The following GLIS3 variants were observed in gnomAD, a reference collection of about 807,000 sequenced individuals.
The protein encoded by GLIS3 is zinc finger protein GLIS3.
GLIS3 carries 53 observed loss-of-function variants against 78.6 expected under a neutral mutation model. That is an observed-to-expected ratio of 0.67 (90% CI 0.54 to 0.85). The LOEUF is 0.85. GLIS3 is among the 40% of genes least tolerant of loss of function. The probability of loss-of-function intolerance (pLI) is 0.00; values close to 1 mark genes in which losing one functional copy is unlikely to be tolerated. For missense variants in GLIS3, 1,703 were observed against 1,231.1 expected (o/e 1.38, Z -5.74); for synonymous variants, 684 against 509.9 (o/e 1.34, Z -4.60).
At chr9:4,263,270 T>A (rs1214791403) in intron 2 of GLIS3, among the ~76,000 whole-genome samples, 2 of 152,204 alleles carry the variant, frequency 1.3e-5, no homozygotes, top group Non-Finnish European at 2.9e-5. Context: ...GATTCTGTGT[T>A]GATGGGTGAG....
intron 8 of GLIS3, among the ~76,000 whole-genome samples, chr9:3,877,144 T>G (rs1821370903): frequency 6.6e-6 from 1 of 152,166 alleles, no homozygotes; most frequent in Non-Finnish European, 1.5e-5. Context: ...TTCACGACAT[T>G]GTGGATGGAG....
intron 4 of GLIS3, among the ~76,000 whole-genome samples, chr9:3,945,284 T>C (rs761816493): frequency 3.3e-5 from 5 of 152,244 alleles, no homozygotes; most frequent in Non-Finnish European, 5.9e-5. Flanking sequence ...ATAATACTTC[T>C]ATGAAATATA....
the GLIS3 span, among the ~76,000 whole-genome samples, chr9:4,462,679 G>C: frequency 1.3e-5 from 2 of 151,568 alleles, no homozygotes; most frequent in African/African-American, 4.9e-5. Flanking sequence ...TGGGTGTGTT[G>C]TATGTCTGTA....
chr9:4,420,818 A>G, the GLIS3 span, among the ~76,000 whole-genome samples: 10 of 152,344 alleles, frequency 6.6e-5, no homozygotes, highest in South Asian at 2.1e-4. Flanking sequence ...TGCAATTACA[A>G]TAAAACTAGT....
At chr9:4,249,984 G>T (rs998200957) in intron 2 of GLIS3, among the ~76,000 whole-genome samples, 2 of 152,152 alleles carry the variant, frequency 1.3e-5, no homozygotes, top group African/African-American at 4.8e-5. Flanking sequence ...TGACCGTGGT[G>T]GATAAGCTTT....
chr9:4,307,056 A>T (rs952343500), intron 4 of GLIS3, among the ~76,000 whole-genome samples: 1 of 152,242 alleles, frequency 6.6e-6, no homozygotes, highest in African/African-American at 2.4e-5. Context: ...TTTAAGACAC[A>T]GTTTAGTTAT....
chr9:3,857,954 T>A (rs901234851), intron 8 of GLIS3, among the ~76,000 whole-genome samples: 1 of 152,172 alleles, frequency 6.6e-6, no homozygotes, highest in Non-Finnish European at 1.5e-5. Context: ...TCATAGACTT[T>A]AGGGGCAGAA....
intron 6 of GLIS3, among the ~76,000 whole-genome samples, chr9:3,913,097 C>T (rs1824258110): frequency 6.6e-6 from 1 of 152,284 alleles, no homozygotes; most frequent in East Asian, 1.9e-4. Context: ...GAATTGGTTT[C>T]TCGCTACAGC....
chr9:4,384,469 ATTGT>A, the GLIS3 span, among the ~76,000 whole-genome samples: 33 of 151,800 alleles, frequency 2.2e-4, no homozygotes, highest in African/African-American at 7.2e-4. Flanking sequence ...TGGCATTGAA[ATTGT>A]TTCTTTTTCT....
the GLIS3 span, among the ~76,000 whole-genome samples, chr9:4,488,522 C>G: frequency 8.1e-6 from 1 of 122,888 alleles, no homozygotes; most frequent in East Asian, 2.2e-4. Flanking sequence ...CACGCTCTCT[C>G]TCTTTTTTTT....
intron 9 of GLIS3, among the ~76,000 whole-genome samples, chr9:3,839,017 G>C (rs1053866867): frequency 7.2e-5 from 11 of 152,312 alleles, no homozygotes; most frequent in African/African-American, 2.6e-4. Context: ...TTTGAAATCA[G>C]AGAAAGGCCC....
At chr9:4,452,813 T>C in the GLIS3 span, among the ~76,000 whole-genome samples, 1 of 151,854 alleles carries the variant, frequency 6.6e-6, no homozygotes, top group Non-Finnish European at 1.5e-5. Context: ...AAAAAACTGC[T>C]TTAAATTTCA....
chr9:4,050,234 T>C (rs933903172), intron 4 of GLIS3, among the ~76,000 whole-genome samples: 17 of 152,174 alleles, frequency 1.1e-4, no homozygotes, highest in African/African-American at 4.1e-4. Context: ...TAAGAAAATG[T>C]GGCACATATA....
chr9:4,430,811 A>T, the GLIS3 span, among the ~76,000 whole-genome samples: 1 of 152,314 alleles, frequency 6.6e-6, no homozygotes, highest in Non-Finnish European at 1.5e-5. Flanking sequence ...CAACTAGGAC[A>T]TTGAGTCACT....
At chr9:3,924,628 C>T (rs2130745002) in intron 6 of GLIS3, among the ~76,000 whole-genome samples, 1 of 152,164 alleles carries the variant, frequency 6.6e-6, no homozygotes, top group Middle Eastern at 3.4e-3. Context: ...AAGATACTGC[C>T]CATGGATATC....
intron 4 of GLIS3, among the ~76,000 whole-genome samples, chr9:4,019,036 C>T (rs778438783): frequency 1.3e-5 from 2 of 152,128 alleles, no homozygotes; most frequent in South Asian, 2.1e-4. Context: ...AAGAAGGTGA[C>T]GTGAGTCAAG....
At chr9:3,991,963 T>C (rs1043072462) in intron 4 of GLIS3, among the ~76,000 whole-genome samples, 7 of 152,174 alleles carry the variant, frequency 4.6e-5, no homozygotes, top group South Asian at 2.1e-4. Context: ...GTGCTGGGAT[T>C]ACAGGCATGA....
intron 2 of GLIS3, among the ~76,000 whole-genome samples, chr9:4,178,667 C>A (rs1039548477): frequency 6.6e-5 from 10 of 152,138 alleles, no homozygotes; most frequent in Admixed American, 3.3e-4. Flanking sequence ...AATAAAAACC[C>A]AAATTTTCTA....
At chr9:4,103,939 G>C (rs190256647) in intron 4 of GLIS3, among the ~76,000 whole-genome samples, 1 of 152,030 alleles carries the variant, frequency 6.6e-6, no homozygotes, top group African/African-American at 2.4e-5. Flanking sequence ...ACACAGCAAC[G>C]CAAGACTAAG....
Sources: gnomAD v4.1 joint callset for allele counts (sites outside exome capture counted in the v4.1 genomes callset) on GRCh38, gnomAD v4.1.1 for gene constraint, MANE v1.5 for transcripts, NCBI Gene and HGNC (gene_info 2026-07-23, HGNC 2026-07-21) for gene names.